The following PIK3C2A variants were observed in gnomAD, a reference collection of about 807,000 sequenced individuals.
PIK3C2A encodes phosphatidylinositol 4-phosphate 3-kinase C2 domain-containing subunit alpha.
In PIK3C2A, 97 loss-of-function variants were observed where a neutral mutation model predicts 204.5. That is an observed-to-expected ratio of 0.47 (90% CI 0.40 to 0.56). The LOEUF is 0.56. Among genes scored for constraint, PIK3C2A ranks in the 20% least tolerant of loss-of-function variants. The pLI, the probability that PIK3C2A is intolerant of heterozygous loss-of-function variation, is 0.00. For missense variants in PIK3C2A, 1,735 were observed against 1,969.2 expected (o/e 0.88, Z 2.25); for synonymous variants, 653 against 664.4 (o/e 0.98, Z 0.26).
chr11:17,103,254 A>C (rs763931823), intron 23 of PIK3C2A, among the ~76,000 whole-genome samples: 1 of 151,958 alleles, frequency 6.6e-6, no homozygotes, highest in Admixed American at 6.6e-5. Flanking sequence ...GTGTAAGGAA[A>C]ATCAGCTTAT....
intron 1 of PIK3C2A, among the ~76,000 whole-genome samples, chr11:17,173,133 C>T (rs1236075871): frequency 6.6e-6 from 1 of 152,208 alleles, no homozygotes; most frequent in Non-Finnish European, 1.5e-5. Context: ...ATTTTTATCA[C>T]AGCTTTCTCT....
chr11:17,128,761 T>A (rs1465977353), intron 13 of PIK3C2A, among the ~76,000 whole-genome samples: 1 of 152,124 alleles, frequency 6.6e-6, no homozygotes, highest in Non-Finnish European at 1.5e-5. Flanking sequence ...TCAAAAGAAG[T>A]TCCTTTACCC....
Position 17,088,707 on chromosome 11 carries a change from AT to A in PIK3C2A, c.*1030del, listed in dbSNP as rs1848215837. 1 of 152,264 alleles carries A rather than the reference AT, an allele frequency of 6.6e-6. No homozygotes were observed. Among genetic ancestry groups the A allele is most frequent in the African/African-American group, 2.4e-5 (1 of 41,474 alleles). 9.4% of individuals were successfully genotyped at this position (152,264 alleles called of 1,614,324 possible). On this transcript the variant is annotated 3_prime_UTR_variant, in exon 33 of 33. Transcript: ENST00000691414. The stretch of plus-strand genomic sequence containing the variant: ...CTGGTCTACACAGACAAAGGTCTAT[AT>A]TAAAGTTCAATCTGGACCCTAGAAT...
At position 17,148,651 on chromosome 11, in the gene PIK3C2A, A is replaced by G. The variant is rs1850329073; in HGVS notation, c.1448+16T>C. 2 of 1,610,054 alleles carry G rather than the reference A, an allele frequency of 1.2e-6. No homozygotes were observed. The highest frequency in any genetic ancestry group is 2.7e-5 in the African/African-American group (2 of 74,834). ...GAAATTTCCAAGGATGTTGCTCAGT[A>G]GTTAAATAAACTTACTTCTGCAGCA... On this transcript the variant is annotated intron_variant, in intron 5 of 32. Transcript: ENST00000691414.
Position 17,114,436 on chromosome 11 carries a change from T to C in PIK3C2A, c.3246A>G (p.Val1082=). The C allele has an allele frequency of 6.3e-7, 1 of 1,578,682 alleles. No individual in the cohort carries two copies. Among genetic ancestry groups the C allele is most frequent in the Non-Finnish European group, 8.7e-7 (1 of 1,148,150 alleles). Residue 1082 remains valine (V), a synonymous_variant, in exon 20 of 33, where the codon GTA becomes GTG. Transcript: ENST00000691414. The stretch of plus-strand genomic sequence containing the variant: ...ATTTATTTTTCTGAAAAAAGGACTG[T>C]ACTCGTTCCATACTTCTTTGGAGAA... The part of the protein sequence containing the change: ...QVVLQRSMER[V]QSFFQKNKCR...
At chr11:17,154,679 A>G (rs1055221447) in intron 3 of PIK3C2A, among the ~76,000 whole-genome samples, 5 of 152,062 alleles carry the variant, frequency 3.3e-5, no homozygotes, top group African/African-American at 1.2e-4. Context: ...TGCTACTGAG[A>G]CCATTAAATT....
intron 30 of PIK3C2A, 47 bp downstream of exon 30, chr11:17,091,949 A>C: frequency 8.8e-7 from 1 of 1,141,426 alleles, no homozygotes; most frequent in Non-Finnish European, 1.3e-6. Flanking sequence ...GAAGTTACAG[A>C]CTTGCAGATC....
chr11:17,103,633 A>G (rs1848714228), intron 23 of PIK3C2A, among the ~76,000 whole-genome samples: 1 of 152,074 alleles, frequency 6.6e-6, no homozygotes, highest in Non-Finnish European at 1.5e-5. Context: ...GTGTGTGTGT[A>G]TACATTAACA....
At chr11:17,135,675 ATATGTG>A (rs1195804180) in intron 9 of PIK3C2A, among the ~76,000 whole-genome samples, 90 of 87,968 alleles carry the variant, frequency 1.0e-3, no homozygotes, top group Middle Eastern at 4.9e-3. Context: ...GTAATTTCAT[ATATGTG>A]TGTGTGTGTG....
rs775275171 is a variant in PIK3C2A, at chr11:17,168,679, G to C, written c.1063C>G (p.Gln355Glu). 2 of 1,541,178 alleles carry C rather than the reference G, an allele frequency of 1.3e-6. No homozygotes were observed. The highest frequency in any genetic ancestry group is 2.5e-5 in the South Asian group (2 of 80,604). The change falls in exon 2 of 33, where the codon CAG (glutamine) becomes GAG (glutamate). Residue 355 changes from glutamine to glutamate, a missense_variant and splice_region_variant. This residue lies in a region of PIK3C2A where 536 missense variants were observed against 546.7 expected (regional missense o/e 0.98). Transcript: ENST00000691414. Reference protein sequence around the residue: ...QLAKAQGHISQKDPNGTSSLP... With the variant: ...QLAKAQGHISEKDPNGTSSLP... The stretch of plus-strand genomic sequence containing the variant: ...AAGTTAGTAAGAAAAGACTATACCT[G>C]AGATATATGGCCCTGGGCTTTTGCA...
chr11:17,185,205 A>G (rs753524475), intron 1 of PIK3C2A, among the ~76,000 whole-genome samples: 48 of 152,168 alleles, frequency 3.2e-4, no homozygotes, highest in Non-Finnish European at 4.3e-4. Context: ...ATACGCAAAT[A>G]CTTAACAATT....
At chr11:17,178,725 T>A (rs1303768304) in intron 1 of PIK3C2A, among the ~76,000 whole-genome samples, 7 of 138,146 alleles carry the variant, frequency 5.1e-5, no homozygotes, top group South Asian at 2.5e-4. Context: ...TTTTTTTTTT[T>A]TTTTTTTTTT....
At chr11:17,139,466 T>A (rs1260551357) in intron 8 of PIK3C2A, among the ~76,000 whole-genome samples, 1 of 151,718 alleles carries the variant, frequency 6.6e-6, no homozygotes, top group African/African-American at 2.4e-5. Flanking sequence ...TCAGGTGATC[T>A]GCCCACCTCC....
At chr11:17,162,339 T>TG (rs1850802596) in intron 2 of PIK3C2A, among the ~76,000 whole-genome samples, 1 of 131,824 alleles carries the variant, frequency 7.6e-6, no homozygotes, top group African/African-American at 3.0e-5. Context: ...AGACTCCATC[T>TG]AAAAAAAAAA....
At chr11:17,117,370 TGGG>T in intron 19 of PIK3C2A, 118 bp downstream of exon 19, 1 of 561,874 alleles carries the variant, frequency 1.8e-6, no homozygotes, top group Non-Finnish European at 3.1e-6. Context: ...CCAAATAGCA[TGGG>T]TATAGTTAGA....
intron 1 of PIK3C2A, among the ~76,000 whole-genome samples, chr11:17,189,964 T>C (rs1376588531): frequency 6.6e-6 from 1 of 152,046 alleles, no homozygotes; most frequent in Non-Finnish European, 1.5e-5. Flanking sequence ...GTTGGAATTA[T>C]TATTAAATAG....
intron 13 of PIK3C2A, among the ~76,000 whole-genome samples, chr11:17,127,876 A>AGT (rs1462938093): frequency 3.3e-5 from 5 of 152,336 alleles, no homozygotes; most frequent in African/African-American, 1.2e-4. Context: ...ACAACAAAAA[A>AGT]GTGTCATGGT....
chr11:17,207,644 G>A (rs1186393431), intron 1 of PIK3C2A, among the ~76,000 whole-genome samples: 1 of 152,116 alleles, frequency 6.6e-6, no homozygotes, highest in East Asian at 1.9e-4. Flanking sequence ...CTTGCTCACG[G>A]CCTGGGTGGA....
intron 13 of PIK3C2A, among the ~76,000 whole-genome samples, chr11:17,128,497 C>T (rs1192107416): frequency 6.6e-6 from 1 of 152,080 alleles, no homozygotes; most frequent in African/African-American, 2.4e-5. Context: ...CCTTGGACTA[C>T]CAAATTGCTG....
Sources: allele counts gnomAD v4.1 joint callset (sites outside exome capture counted in the v4.1 genomes callset), GRCh38; gene constraint gnomAD v4.1.1; regional missense constraint gnomAD v4.1.1; transcripts MANE v1.5; gene names NCBI Gene and HGNC (gene_info 2026-07-23, HGNC 2026-07-21).